The following GUCY2C variants were observed in gnomAD, a reference collection of about 807,000 sequenced individuals.
GUCY2C encodes the protein guanylyl cyclase C.
In GUCY2C, 118 loss-of-function variants were observed where a neutral mutation model predicts 131.1. The observed-to-expected ratio is 0.90, with a 90% CI of 0.78 to 1.05. GUCY2C has a LOEUF of 1.05. Among genes scored for constraint, GUCY2C ranks in the 50% least tolerant of loss-of-function variants. The probability of loss-of-function intolerance (pLI) is 0.00; values close to 1 mark genes in which losing one functional copy is unlikely to be tolerated. For missense variants in GUCY2C, 1,161 were observed against 1,304.4 expected (o/e 0.89, Z 1.69); for synonymous variants, 452 against 457.8 (o/e 0.99, Z 0.16).
At chr12:14,648,399 T>A (rs1018139572) in intron 15 of GUCY2C, among the ~76,000 whole-genome samples, 27 of 152,138 alleles carry the variant, frequency 1.8e-4, no homozygotes, top group African/African-American at 6.5e-4. Context: ...CATGCTTGTA[T>A]CCTTCCTTCA....
chr12:14,691,832 T>C (rs1276406904), intron 1 of GUCY2C, among the ~76,000 whole-genome samples: 1 of 152,206 alleles, frequency 6.6e-6, no homozygotes, highest in Admixed American at 6.5e-5. Context: ...CACTTGTTAA[T>C]AGAATAGAGC....
intron 25 of GUCY2C, among the ~76,000 whole-genome samples, chr12:14,616,242 C>G (rs1946759208): frequency 6.6e-6 from 1 of 152,076 alleles, no homozygotes. Context: ...AGTAAAGCAA[C>G]TGGCAAGAGA....
At chr12:14,684,120 C>T (rs1476924627) in intron 3 of GUCY2C, among the ~76,000 whole-genome samples, 1 of 152,174 alleles carries the variant, frequency 6.6e-6, no homozygotes, top group African/African-American at 2.4e-5. Context: ...GGCTGCTTCT[C>T]ATGGCATTCC....
At chr12:14,648,589 G>GC (rs1416888142) in intron 15 of GUCY2C, among the ~76,000 whole-genome samples, 1 of 151,906 alleles carries the variant, frequency 6.6e-6, no homozygotes, top group Non-Finnish European at 1.5e-5. Context: ...AATCCTCTTT[G>GC]TTTTTTTTCC....
chr12:14,632,118 T>TAA (rs1947158465), intron 19 of GUCY2C, among the ~76,000 whole-genome samples: 1 of 152,242 alleles, frequency 6.6e-6, no homozygotes, highest in Non-Finnish European at 1.5e-5. Context: ...TTGTAGATTC[T>TAA]GGATATTAGC....
At chr12:14,627,963 C>A (rs1947058594) in intron 20 of GUCY2C, among the ~76,000 whole-genome samples, 1 of 152,104 alleles carries the variant, frequency 6.6e-6, no homozygotes, top group South Asian at 2.1e-4. Flanking sequence ...TGGAAAAAAT[C>A]ATAAGAATCA....
intron 19 of GUCY2C, among the ~76,000 whole-genome samples, chr12:14,629,984 A>C (rs1253274653): frequency 6.6e-6 from 1 of 152,082 alleles, no homozygotes; most frequent in Non-Finnish European, 1.5e-5. Flanking sequence ...CTCTTTGGTG[A>C]TTATAATGCA....
At chr12:14,691,102 T>G (rs2137111366) in intron 1 of GUCY2C, among the ~76,000 whole-genome samples, 1 of 152,366 alleles carries the variant, frequency 6.6e-6, no homozygotes, top group Admixed American at 6.5e-5. Context: ...TAGAGACTTG[T>G]TCTTTCAAAG....
At chr12:14,665,209 C>A (rs1462096106) in intron 10 of GUCY2C, among the ~76,000 whole-genome samples, 1 of 147,372 alleles carries the variant, frequency 6.8e-6, no homozygotes, top group Non-Finnish European at 1.5e-5. Flanking sequence ...CTGCGAGGCT[C>A]CGTCTCAGGA....
rs775397931 is a variant in GUCY2C at position 14,621,061 on chromosome 12, A to T, written c.2757T>A (p.Ile919=). 21 of 1,613,688 alleles carry T rather than the reference A, an allele frequency of 1.3e-5. No individual in the cohort carries two copies. Among genetic ancestry groups the T allele is most frequent in the Non-Finnish European group, 1.8e-5 (21 of 1,179,844 alleles). ...CCATACCAGAGTGAACTCCAATGCG[A>T]ATCCATATTGGGAGGCCAGGAAGAT... is the stretch of plus-strand genomic sequence containing the variant. The part of the protein sequence containing the change: ...LEHLPGLPIW[I]RIGVHSGPCA... Residue 919 remains isoleucine (I), a synonymous_variant, in exon 23 of 27, where the codon ATT becomes ATA. Transcript: ENST00000261170.
intron 19 of GUCY2C, among the ~76,000 whole-genome samples, chr12:14,628,992 G>T (rs533595714): frequency 1.3e-4 from 20 of 152,124 alleles, no homozygotes; most frequent in Non-Finnish European, 2.5e-4. Flanking sequence ...GGGTTGATAC[G>T]GGAGACTAAG....
chr12:14,662,076 G>A (rs1041621167), intron 10 of GUCY2C, among the ~76,000 whole-genome samples: 3 of 151,984 alleles, frequency 2.0e-5, no homozygotes, highest in African/African-American at 7.3e-5. Flanking sequence ...CATATATGCC[G>A]CAATGAATTC....
chr12:14,656,548 A>G lies in GUCY2C; in HGVS notation c.1434T>C (p.Pro478=). ...WSHIPPENIF[P]LETNETNHVS... ...CATGATTGGTCTCATTGGTCTCCAG[A>G]GGAAAGATATTTTCAGGAGGAATGT... Residue 478 remains proline (P), a synonymous_variant, in exon 12 of 27, where the codon CCT becomes CCC. Coordinates refer to ENST00000261170, the MANE Select transcript of GUCY2C (RefSeq NM_004963.4). 1 of 1,601,816 alleles carries G rather than the reference A, an allele frequency of 6.2e-7. No homozygotes were observed. The highest frequency in any genetic ancestry group is 2.2e-5 in the East Asian group (1 of 44,830).
chr12:14,619,358 A>G (rs1946846226), intron 23 of GUCY2C, 49 bp from the exon 24 acceptor site: 1 of 1,138,232 alleles, frequency 8.8e-7, no homozygotes. Context: ...GAAATTGCAG[A>G]GTAGAGTGAA....
chr12:14,656,985 A>G (rs547190632), intron 11 of GUCY2C, among the ~76,000 whole-genome samples: 12 of 152,298 alleles, frequency 7.9e-5, no homozygotes, highest in African/African-American at 2.6e-4. Context: ...TGCGCAGTTC[A>G]CAGTAGGGTT....
At chr12:14,672,998 T>G in intron 8 of GUCY2C, 40 bp from the exon 9 acceptor site, 1 of 1,183,222 alleles carries the variant, frequency 8.5e-7, no homozygotes, top group Non-Finnish European at 1.3e-6. Flanking sequence ...CATTCTTGAT[T>G]TTTGCCTGAC....
intron 10 of GUCY2C, among the ~76,000 whole-genome samples, chr12:14,667,288 A>G (rs1948001258): frequency 1.3e-5 from 2 of 152,208 alleles, no homozygotes; most frequent in Non-Finnish European, 2.9e-5. Flanking sequence ...ATGAGAAAAG[A>G]GATATATTTC....
intron 5 of GUCY2C, among the ~76,000 whole-genome samples, chr12:14,680,190 G>A (rs977610135): frequency 6.6e-6 from 1 of 152,166 alleles, no homozygotes; most frequent in African/African-American, 2.4e-5. Context: ...TGAGAACTGA[G>A]AAGAATTTAT....
chr12:14,672,069 C>T (rs75559555), intron 9 of GUCY2C, among the ~76,000 whole-genome samples: 8,147 of 97,746 alleles, frequency 0.083, 293 homozygotes, highest in Non-Finnish European at 0.11. Flanking sequence ...TCATAACACT[C>T]ACATTGGAAA....
Sources: allele counts gnomAD v4.1 joint callset (sites outside exome capture counted in the v4.1 genomes callset), GRCh38; gene constraint gnomAD v4.1.1; transcripts MANE v1.5; gene names NCBI Gene and HGNC (gene_info 2026-07-23, HGNC 2026-07-21).